ASMT: variants seen among roughly 807,000 people sequenced by gnomAD.
ASMT encodes acetylserotonin O-methyltransferase.
ASMT carries 53 observed loss-of-function variants against 41.3 expected under a neutral mutation model. The observed-to-expected ratio is 1.28, with a 90% confidence interval of 1.03 to 1.61. The LOEUF is 1.61. ASMT is among the 40% of genes most tolerant of loss of function. The pLI is 0.00. For missense variants in ASMT, 531 were observed against 441.3 expected (o/e 1.20, Z -1.82); for synonymous variants, 231 against 184.8 (o/e 1.25, Z -2.03).
intron 4 of ASMT, chrX:1,628,065 C>T: frequency 4.4e-6 from 2 of 450,076 alleles, no homozygotes; most frequent in Non-Finnish European, 8.0e-6. Flanking sequence ...TCACGCCTGT[C>T]ATCCCAGAAC....
chrX:1,627,663 TG>T (rs756640277), intron 3 of ASMT, 39 bp from the exon 4 acceptor site: 17 of 1,246,448 alleles, frequency 1.4e-5, no homozygotes, highest in Non-Finnish European at 1.9e-5. Context: ...TGAAATGAAA[TG>T]AAATGAAATG....
rs780137323 is a variant in ASMT at position 1,615,415 on chromosome X, G to A, written c.69+147G>A. 8.4e-5 allele frequency: 71 copies of A among 847,178 alleles called. No homozygotes were observed. The African/African-American group carries it at 1.0e-3, about 12-fold the overall frequency. 52.5% of individuals were successfully genotyped at this position (847,178 alleles called of 1,614,324 possible). A position where few individuals can be genotyped will look rare whatever the true frequency, so the allele number is the denominator to read the frequency against. On this transcript the variant is annotated intron_variant, in intron 1 of 8. Transcript: ENST00000381241. ...GTGAAAGACGTACACCCACGATGTAGCCTCAGGAGTTCCTGAGGACATGTG... is the reference window on the plus strand; with the variant it reads ...GTGAAAGACGTACACCCACGATGTAACCTCAGGAGTTCCTGAGGACATGTG...
chrX:1,621,749 G>A (rs1270756009), intron 1 of ASMT, among the ~76,000 whole-genome samples: 1 of 152,154 alleles, frequency 6.6e-6, no homozygotes, highest in African/African-American at 2.4e-5. Flanking sequence ...AGGCTGGAGT[G>A]CAATGGCACG....
chrX:1,625,121 T>C (rs1934483403), intron 3 of ASMT, among the ~76,000 whole-genome samples: 2 of 150,374 alleles, frequency 1.3e-5, no homozygotes, highest in Non-Finnish European at 3.0e-5. Flanking sequence ...TTTTTTTTTT[T>C]TGAGATGGAG....
intron 1 of ASMT, among the ~76,000 whole-genome samples, chrX:1,617,826 G>A (rs1270618787): frequency 6.6e-6 from 1 of 151,902 alleles, no homozygotes; most frequent in Non-Finnish European, 1.5e-5. Context: ...TGTTGGTCAG[G>A]CTGGTCTCGA....
intron 3 of ASMT, among the ~76,000 whole-genome samples, chrX:1,624,691 A>C (rs372719346): frequency 0.025 from 557 of 22,502 alleles, 5 homozygotes; most frequent in East Asian, 0.064. Flanking sequence ...GTGGCTGACC[A>C]CAGGCAGATG....
In ASMT at chrX:1,643,008, G is replaced by GA; in HGVS notation, c.1119dup (p.Ter374IlefsTer?). On this transcript the variant is annotated frameshift_variant, in exon 9 of 9. Coordinates refer to ENST00000381241, the MANE Select transcript of ASMT (RefSeq NM_001171038.2). LOFTEE classifies it high-confidence loss of function. ...CCATTTATGATGCCATTTTAGCCAG[G>GA]AAATAACTGTTTCTTGTGACCTGGA... 1 of 1,613,908 alleles carries GA rather than the reference G, an allele frequency of 6.2e-7. No individual in the cohort carries two copies. Among genetic ancestry groups the GA allele is most frequent in the Non-Finnish European group, 8.5e-7 (1 of 1,179,844 alleles).
chrX:1,629,994 G>A, intron 5 of ASMT, 55 bp downstream of exon 5: 1 of 1,403,588 alleles, frequency 7.1e-7, no homozygotes, highest in South Asian at 1.1e-5. Flanking sequence ...TCTGTATGGG[G>A]AATGTGTTAT....
intron 1 of ASMT, among the ~76,000 whole-genome samples, chrX:1,616,363 G>GTA (rs1343592452): frequency 6.6e-6 from 1 of 151,312 alleles, no homozygotes; most frequent in Non-Finnish European, 1.5e-5. Flanking sequence ...GCCCCATATG[G>GTA]TATGACTTCA....
intron 1 of ASMT, among the ~76,000 whole-genome samples, chrX:1,619,115 G>A (rs1934241836): frequency 6.6e-6 from 1 of 152,062 alleles, no homozygotes; most frequent in Non-Finnish European, 1.5e-5. Flanking sequence ...TATACCCTTG[G>A]CCAGGCACAG....
chrX:1,630,496 G>A (rs1174777269), intron 5 of ASMT, among the ~76,000 whole-genome samples: 6 of 151,948 alleles, frequency 3.9e-5, no homozygotes, highest in Non-Finnish European at 5.9e-5. Context: ...TAATAGAGAC[G>A]GGGTTTTGCC....
chrX:1,637,005 G>A (rs182664003), intron 8 of ASMT, among the ~76,000 whole-genome samples: 792 of 32,858 alleles, frequency 0.024, 47 homozygotes, highest in Admixed American at 0.031. Flanking sequence ...TGTGTGTGAT[G>A]GGGACAGTGT....
intron 1 of ASMT, among the ~76,000 whole-genome samples, chrX:1,617,373 G>C (rs1331051196): frequency 6.6e-6 from 1 of 151,356 alleles, no homozygotes; most frequent in Admixed American, 6.6e-5. Context: ...GGGAGGCTGA[G>C]GCAGGAGAAT....
chrX:1,633,452 G>C (rs1357027600), intron 7 of ASMT, 162 bp downstream of exon 7: 1 of 231,092 alleles, frequency 4.3e-6, no homozygotes. Context: ...GGAAAGCTGG[G>C]TGTAGATATA....
chrX:1,630,977 C>A (rs1343443154), intron 5 of ASMT, among the ~76,000 whole-genome samples: 4 of 149,720 alleles, frequency 2.7e-5, no homozygotes, highest in African/African-American at 9.9e-5. Flanking sequence ...GTGGTGCAAT[C>A]TCCACTCACT....
At chrX:1,619,587 T>TAATAATAATAATAAA (rs1420115346) in intron 1 of ASMT, among the ~76,000 whole-genome samples, 2 of 136,170 alleles carry the variant, frequency 1.5e-5, no homozygotes, top group African/African-American at 5.6e-5. Context: ...ATAATAATAA[T>TAATAATAATAATAAA]AAAAAGTCTT....
At chrX:1,616,731 CAG>C (rs200033311) in intron 1 of ASMT, among the ~76,000 whole-genome samples, 3,079 of 150,838 alleles carry the variant, frequency 0.02, 90 homozygotes, top group East Asian at 0.052. Flanking sequence ...CTTTTTGAGA[CAG>C]AGTCTCGCTC....
intron 2 of ASMT, 46 bp downstream of exon 2, chrX:1,623,359 T>G: frequency 6.2e-7 from 1 of 1,607,348 alleles, no homozygotes; most frequent in East Asian, 2.2e-5. Context: ...ATAGACACCC[T>G]CTGCAGCCCA....
At chrX:1,633,796 A>C (rs1483143765) in intron 7 of ASMT, among the ~76,000 whole-genome samples, 1 of 151,852 alleles carries the variant, frequency 6.6e-6, no homozygotes, top group African/African-American at 2.4e-5. Context: ...CCACCACCAC[A>C]CCTGGCTAAT....
Sources: gnomAD v4.1 joint callset for allele counts (sites outside exome capture counted in the v4.1 genomes callset) on GRCh38, gnomAD v4.1.1 for gene constraint, MANE v1.5 for transcripts, NCBI Gene and HGNC (gene_info 2026-07-23, HGNC 2026-07-21) for gene names.